The following IDE variants were observed in gnomAD, a reference collection of about 807,000 sequenced individuals.
The protein encoded by IDE is insulin degrading enzyme.
In IDE, 58 loss-of-function variants were observed where a neutral mutation model predicts 133.2. The observed-to-expected ratio is 0.44, with a 90% CI of 0.35 to 0.54. The LOEUF is 0.54. Among genes scored for constraint, IDE ranks in the 20% least tolerant of loss-of-function variants. The pLI is 0.00. For missense variants in IDE, 981 were observed against 1,234.0 expected (o/e 0.79, Z 3.07); for synonymous variants, 396 against 421.3 (o/e 0.94, Z 0.73).
chr10:92,502,502 CTG>C (rs1191489208), intron 11 of IDE, among the ~76,000 whole-genome samples: 1 of 152,048 alleles, frequency 6.6e-6, no homozygotes, highest in Non-Finnish European at 1.5e-5. Context: ...CAACCTGTGA[CTG>C]TGCTGAATTC....
intron 15 of IDE, 130 bp downstream of exon 15, chr10:92,479,147 A>G: frequency 1.7e-6 from 1 of 581,618 alleles, no homozygotes; most frequent in South Asian, 3.6e-5. Context: ...AAATTAAATG[A>G]GAAAATATGA....
intron 1 of IDE, among the ~76,000 whole-genome samples, chr10:92,548,500 C>A (rs1842634826): frequency 6.7e-6 from 1 of 149,242 alleles, no homozygotes; most frequent in African/African-American, 2.5e-5. Flanking sequence ...TTTATATAAA[C>A]TTCACCAAGG....
At chr10:92,542,071 C>CA (rs1842333940) in intron 1 of IDE, among the ~76,000 whole-genome samples, 1 of 152,208 alleles carries the variant, frequency 6.6e-6, no homozygotes, top group Non-Finnish European at 1.5e-5. Context: ...GTCCAGGCAT[C>CA]ACACTATGCA....
At chr10:92,499,580 G>A (rs969597374) in intron 11 of IDE, among the ~76,000 whole-genome samples, 1 of 151,834 alleles carries the variant, frequency 6.6e-6, no homozygotes, top group East Asian at 1.9e-4. Context: ...CTACAGGCAC[G>A]TACCACCACA....
rs188626494 is a variant in IDE, at chr10:92,460,422, G to T, written c.2823+769C>A. Among the ~76,000 whole-genome samples the T allele has an allele frequency of 5.5e-4, 84 of 152,254 alleles. 1 individual carries two copies. Among genetic ancestry groups the T allele is most frequent in the Admixed American group, 3.3e-3 (50 of 15,286 alleles). On this transcript the variant is annotated intron_variant, in intron 22 of 24. Coordinates refer to ENST00000265986, the MANE Select transcript of IDE (RefSeq NM_004969.4). ...GCTCAGCAATATTCTTTGCAGAGTA[G>T]GGTGGAGAACAGAGAGAAGAAACTG... is the stretch of plus-strand genomic sequence containing the variant.
intron 13 of IDE, 99 bp from the exon 14 acceptor site, chr10:92,483,436 T>C (rs1160247173): frequency 7.2e-6 from 5 of 696,314 alleles, no homozygotes; most frequent in African/African-American, 7.2e-5. Context: ...GAAGCAATAG[T>C]TAGAGTTTTG....
chr10:92,510,692 T>C (rs1589445955), intron 5 of IDE, among the ~76,000 whole-genome samples: 1 of 151,696 alleles, frequency 6.6e-6, no homozygotes, highest in East Asian at 1.9e-4. Flanking sequence ...ATATATCACA[T>C]ACATCTCACA....
intron 1 of IDE, among the ~76,000 whole-genome samples, chr10:92,541,930 T>G (rs1472231432): frequency 6.6e-6 from 1 of 152,130 alleles, no homozygotes; most frequent in Non-Finnish European, 1.5e-5. Context: ...AAACTGAACC[T>G]CAAGGAGTTT....
At chr10:92,507,038 C>G (rs896763335) in intron 9 of IDE, among the ~76,000 whole-genome samples, 10 of 151,812 alleles carry the variant, frequency 6.6e-5, no homozygotes, top group African/African-American at 2.4e-4. Flanking sequence ...GGCTTTAAAG[C>G]ACGTATTTTT....
At chr10:92,485,158 G>C (rs1158670374) in intron 13 of IDE, among the ~76,000 whole-genome samples, 4 of 103,892 alleles carry the variant, frequency 3.9e-5, no homozygotes, top group Non-Finnish European at 7.1e-5. Context: ...ACAGAGTTTC[G>C]CTCTTGTTAC....
intron 5 of IDE, among the ~76,000 whole-genome samples, chr10:92,510,759 CAT>C (rs1297042488): frequency 2.5e-4 from 34 of 135,064 alleles, no homozygotes; most frequent in Admixed American, 7.1e-4. Context: ...ATACATCTCA[CAT>C]ATATGATATA....
intron 19 of IDE, among the ~76,000 whole-genome samples, chr10:92,468,375 T>A (rs951615428): frequency 1.3e-5 from 2 of 152,230 alleles, no homozygotes; most frequent in Admixed American, 6.5e-5. Flanking sequence ...AAGCCACTGT[T>A]AATGTAAAAG....
intron 5 of IDE, among the ~76,000 whole-genome samples, chr10:92,514,702 T>A (rs1158445827): frequency 6.6e-6 from 1 of 151,892 alleles, no homozygotes; most frequent in Non-Finnish European, 1.5e-5. Flanking sequence ...CTGTAGTAAT[T>A]TGTATTTTTT....
intron 4 of IDE, among the ~76,000 whole-genome samples, chr10:92,530,921 G>A (rs188162315): frequency 2.4e-4 from 37 of 152,224 alleles, no homozygotes; most frequent in Non-Finnish European, 4.6e-4. Context: ...TATAAAATAA[G>A]CATGTTCTCA....
At chr10:92,530,137 A>G (rs1248897473) in intron 4 of IDE, among the ~76,000 whole-genome samples, 2 of 152,008 alleles carry the variant, frequency 1.3e-5, no homozygotes, top group Admixed American at 1.3e-4. Flanking sequence ...GAGGCAGGAG[A>G]ATTGCTGGAA....
chr10:92,520,697 G>A (rs1175714331), intron 4 of IDE, among the ~76,000 whole-genome samples: 4 of 152,284 alleles, frequency 2.6e-5, no homozygotes, highest in East Asian at 1.9e-4. Flanking sequence ...AATTTAAACC[G>A]ACAATTCCTC....
At chr10:92,548,087 C>T (rs1000233004) in intron 1 of IDE, among the ~76,000 whole-genome samples, 3 of 152,012 alleles carry the variant, frequency 2.0e-5, no homozygotes, top group South Asian at 2.1e-4. Flanking sequence ...AGGCCAGGCG[C>T]GATGGCTCAT....
chr10:92,473,641 G>C (rs760499930), intron 17 of IDE, among the ~76,000 whole-genome samples: 14 of 151,684 alleles, frequency 9.2e-5, no homozygotes, highest in South Asian at 4.2e-4. Context: ...AAAAAAACCT[G>C]AACATTGTGT....
intron 15 of IDE, among the ~76,000 whole-genome samples, chr10:92,477,547 C>T (rs1032889980): frequency 4.6e-5 from 7 of 152,192 alleles, no homozygotes; most frequent in Non-Finnish European, 8.8e-5. Context: ...CACATGGTGG[C>T]ACGCAAAGCA....
Sources: gnomAD v4.1 joint callset for allele counts (sites outside exome capture counted in the v4.1 genomes callset) on GRCh38, gnomAD v4.1.1 for gene constraint, MANE v1.5 for transcripts, NCBI Gene and HGNC (gene_info 2026-07-23, HGNC 2026-07-21) for gene names.